The following FGD3 variants were observed in gnomAD, a reference collection of about 807,000 sequenced individuals.
FGD3 encodes the protein FYVE, RhoGEF and PH domain-containing protein 3.
In FGD3, 45 loss-of-function variants were observed where a neutral mutation model predicts 71.8. The ratio of observed to expected loss-of-function variants is 0.63; its 90% CI spans 0.49 to 0.80. The LOEUF (loss-of-function observed/expected upper bound fraction) is 0.80. Ranked by LOEUF, FGD3 falls within the 30% of genes least tolerant of loss-of-function variation. The pLI is 0.00. For missense variants in FGD3, 844 were observed against 951.5 expected (o/e 0.89, Z 1.49); for synonymous variants, 378 against 392.8 (o/e 0.96, Z 0.44).
intron 1 of FGD3, among the ~76,000 whole-genome samples, chr9:92,959,706 CAA>C (rs10658844): frequency 5.7e-4 from 46 of 80,540 alleles, no homozygotes; most frequent in Admixed American, 5.6e-3. Context: ...AACTCAGTCT[CAA>C]AAAAAAAAAA....
chr9:92,988,342 C>T lies in FGD3; in HGVS notation c.453+11633C>T, dbSNP rs1452042508. Among the ~76,000 whole-genome samples the T allele has an allele frequency of 2.6e-5, 4 of 152,226 alleles. No homozygotes were observed. In the East Asian group the frequency reaches 7.7e-4, roughly 29 times the overall value. ...GGGCCTCCAGTCCATTGTGGGCATGCCCAGGCAAGACCCTGCACAGGTTCC... is the reference window on the plus strand; with the variant it reads ...GGGCCTCCAGTCCATTGTGGGCATGTCCAGGCAAGACCCTGCACAGGTTCC... On this transcript the variant is annotated intron_variant, in intron 3 of 17. Coordinates refer to ENST00000375482, the MANE Select transcript of FGD3 (RefSeq NM_001083536.2).
intron 14 of FGD3, among the ~76,000 whole-genome samples, chr9:93,026,856 C>A (rs1220927957): frequency 6.6e-6 from 1 of 152,266 alleles, no homozygotes; most frequent in African/African-American, 2.4e-5. Flanking sequence ...GGTGCCGTGG[C>A]CAGGGTCCCC....
Position 93,034,672 on chromosome 9 carries a change from A to C in FGD3, c.1917A>C (p.Gly639=), listed in dbSNP as rs752220363. The change falls in exon 17 of 18, where the codon GGA becomes GGC. Residue 639 remains glycine (G), a synonymous_variant. Transcript: ENST00000375482. Reference sequence around the variant, plus strand: ...ATCCCCAGGTGCTGCACCTGCAGGGAGGCAGCCAGGTACGTGTCCCCACCC... The same window carrying C: ...ATCCCCAGGTGCTGCACCTGCAGGGCGGCAGCCAGGTACGTGTCCCCACCC... ...MSDPQVLHLQ[G]GSQDGRLPRT... The C allele has an allele frequency of 6.2e-7, 1 of 1,612,646 alleles. No individual in the cohort carries two copies. Among genetic ancestry groups the C allele is most frequent in the South Asian group, 1.1e-5 (1 of 90,966 alleles).
chr9:92,993,550 T>G (rs1407969244), intron 3 of FGD3, among the ~76,000 whole-genome samples: 1 of 152,206 alleles, frequency 6.6e-6, no homozygotes, highest in Non-Finnish European at 1.5e-5. Flanking sequence ...TGTGCCATGT[T>G]GGTGTGCTGC....
chr9:93,013,704 C>A, intron 8 of FGD3, 148 bp from the exon 9 acceptor site: 1 of 926,324 alleles, frequency 1.1e-6, no homozygotes, highest in South Asian at 1.5e-5. Flanking sequence ...CCAACTCAAA[C>A]ATCACTCTGT....
chr9:92,991,561 T>C (rs1860412552), intron 3 of FGD3, among the ~76,000 whole-genome samples: 1 of 152,264 alleles, frequency 6.6e-6, no homozygotes, highest in Non-Finnish European at 1.5e-5. Context: ...AGGCTTGTTT[T>C]GTGTCCTAAC....
intron 3 of FGD3, among the ~76,000 whole-genome samples, chr9:92,978,870 G>C (rs999234011): frequency 6.8e-6 from 1 of 146,346 alleles, no homozygotes; most frequent in Non-Finnish European, 1.5e-5. Flanking sequence ...CTGGCCTCAA[G>C]TGATCCTCCT....
chr9:92,954,796 G>T lies in FGD3; in HGVS notation c.-218+7067G>T, dbSNP rs555115469. On this transcript the variant is annotated intron_variant, in intron 1 of 17. Coordinates refer to ENST00000375482, the MANE Select transcript of FGD3 (RefSeq NM_001083536.2). ...TGGTTCCCCTTTGTCCTGCACCTTGGGCTGTGTCCTAGAGACCAGCCACCT... is the reference window on the plus strand; with the variant it reads ...TGGTTCCCCTTTGTCCTGCACCTTGTGCTGTGTCCTAGAGACCAGCCACCT... Among the ~76,000 whole-genome samples, 7 of 152,258 alleles carry T rather than the reference G, an allele frequency of 4.6e-5. No homozygotes were observed. In the South Asian group the frequency reaches 1.5e-3, roughly 32 times the overall value.
intron 1 of FGD3, among the ~76,000 whole-genome samples, chr9:92,960,263 G>A (rs1051491487): frequency 3.3e-5 from 5 of 150,892 alleles, no homozygotes; most frequent in South Asian, 2.1e-4. Flanking sequence ...TGTCCTCTAC[G>A]TCCTGTTGTC....
At chr9:92,967,837 T>C (rs77445064) in intron 1 of FGD3, among the ~76,000 whole-genome samples, 5,195 of 152,288 alleles carry the variant, frequency 0.034, 153 homozygotes, top group East Asian at 0.12. Context: ...CCTCCCAAGA[T>C]GCTGGGATTA....
intron 14 of FGD3, among the ~76,000 whole-genome samples, chr9:93,025,585 AACTT>A (rs1862086273): frequency 6.6e-6 from 1 of 152,168 alleles, no homozygotes; most frequent in African/African-American, 2.4e-5. Flanking sequence ...ACCAAACTTC[AACTT>A]ACTTCCTGAG....
At chr9:93,002,755 A>T (rs1860902710) in intron 3 of FGD3, among the ~76,000 whole-genome samples, 170 bp from the exon 4 acceptor site, 1 of 152,172 alleles carries the variant, frequency 6.6e-6, no homozygotes, top group African/African-American at 2.4e-5. Flanking sequence ...ATCTATGAGA[A>T]CTGAGCACCA....
intron 5 of FGD3, among the ~76,000 whole-genome samples, chr9:93,005,099 C>T (rs1452226110): frequency 6.6e-6 from 1 of 151,966 alleles, no homozygotes; most frequent in Non-Finnish European, 1.5e-5. Flanking sequence ...GCACAGGGGT[C>T]CAATGACTTA....
chr9:92,987,435 A>G (rs1021974608), intron 3 of FGD3, among the ~76,000 whole-genome samples: 3 of 151,408 alleles, frequency 2.0e-5, no homozygotes, highest in Non-Finnish European at 4.4e-5. Flanking sequence ...CTGTCTCAAA[A>G]AAAAAAAAAA....
chr9:92,965,854 T>C lies in FGD3; in HGVS notation c.-217-9384T>C, dbSNP rs76175777. 6.3e-3 allele frequency among the ~76,000 whole-genome samples: 955 copies of C among 152,234 alleles called. 7 individuals carry two copies. The highest frequency in any genetic ancestry group is 0.022 in the African/African-American group (909 of 41,540). Reference sequence around the variant, plus strand: ...CGATAGGTCTATCAGGAGCCTGGTTTACAGATAAGGAAACTGAGGCCCCTC... The same window carrying C: ...CGATAGGTCTATCAGGAGCCTGGTTCACAGATAAGGAAACTGAGGCCCCTC... On this transcript the variant is annotated intron_variant, in intron 1 of 17. Coordinates refer to ENST00000375482, the MANE Select transcript of FGD3 (RefSeq NM_001083536.2).
chr9:93,027,935 T>C (rs1429052967), intron 14 of FGD3, among the ~76,000 whole-genome samples: 1 of 151,876 alleles, frequency 6.6e-6, no homozygotes, highest in African/African-American at 2.4e-5. Flanking sequence ...CCCAGATTGG[T>C]CTCGAACTTC....
At chr9:92,989,342 C>A (rs1860311357) in intron 3 of FGD3, among the ~76,000 whole-genome samples, 1 of 152,210 alleles carries the variant, frequency 6.6e-6, no homozygotes, top group African/African-American at 2.4e-5. Context: ...ATCCACCGCG[C>A]CTGGCCAACC....
intron 3 of FGD3, among the ~76,000 whole-genome samples, chr9:92,987,866 G>C (rs532713884): frequency 9.2e-5 from 14 of 152,174 alleles, no homozygotes; most frequent in African/African-American, 3.4e-4. Context: ...CCCTTAGCGC[G>C]CATGCATGAG....
chr9:93,029,391 A>G (rs1862268563), intron 14 of FGD3, among the ~76,000 whole-genome samples: 1 of 152,140 alleles, frequency 6.6e-6, no homozygotes, highest in Non-Finnish European at 1.5e-5. Context: ...ATGTGGGTGC[A>G]CACCTATATT....
Sources: gnomAD v4.1 joint callset for allele counts (sites outside exome capture counted in the v4.1 genomes callset) on GRCh38, gnomAD v4.1.1 for gene constraint, MANE v1.5 for transcripts, NCBI Gene and HGNC (gene_info 2026-07-23, HGNC 2026-07-21) for gene names.